The following CNTNAP5 variants were observed in gnomAD, a reference collection of about 807,000 sequenced individuals.
The protein encoded by CNTNAP5 is contactin associated protein family member 5.
In CNTNAP5, 72 loss-of-function variants were observed where a neutral mutation model predicts 150.2. The ratio of observed to expected loss-of-function variants is 0.48; its 90% confidence interval spans 0.40 to 0.58. CNTNAP5 has a LOEUF of 0.58. CNTNAP5 is among the 20% of genes least tolerant of loss of function. The pLI is 0.00. For missense variants in CNTNAP5, 1,636 were observed against 1,626.2 expected (o/e 1.01, Z -0.10); for synonymous variants, 672 against 619.8 (o/e 1.08, Z -1.25).
intron 11 of CNTNAP5, among the ~76,000 whole-genome samples, chr2:124,578,814 T>C (rs545002027): frequency 1.3e-5 from 2 of 152,156 alleles, no homozygotes; most frequent in African/African-American, 2.4e-5. Context: ...AATAAATAAA[T>C]GAGACAACAG....
intron 11 of CNTNAP5, 53 bp downstream of exon 11, chr2:124,563,376 C>A: frequency 9.9e-7 from 1 of 1,009,526 alleles, no homozygotes; most frequent in South Asian, 1.4e-5. Context: ...TCCAGGAACA[C>A]CATTGTTAAC....
intron 3 of CNTNAP5, among the ~76,000 whole-genome samples, chr2:124,380,447 G>A (rs982828040): frequency 3.3e-5 from 5 of 152,160 alleles, no homozygotes; most frequent in Admixed American, 6.5e-5. Flanking sequence ...GGTGAAGAGA[G>A]AGACAGATAA....
intron 3 of CNTNAP5, among the ~76,000 whole-genome samples, chr2:124,329,732 T>G (rs1454690705): frequency 2.0e-5 from 3 of 152,164 alleles, no homozygotes; most frequent in Non-Finnish European, 4.4e-5. Flanking sequence ...TTGGTTTGTA[T>G]TTCAGAAGGT....
intron 17 of CNTNAP5, among the ~76,000 whole-genome samples, chr2:124,781,284 A>G (rs966039598): frequency 2.6e-5 from 4 of 152,258 alleles, no homozygotes; most frequent in East Asian, 3.9e-4. Context: ...TAAGTCCTTC[A>G]TGCTGTGGTA....
chr2:124,496,168 A>G (rs1414912905), intron 7 of CNTNAP5, among the ~76,000 whole-genome samples: 1 of 152,076 alleles, frequency 6.6e-6, no homozygotes, highest in East Asian at 1.9e-4. Context: ...TAAAAAAATG[A>G]AGGAGCCTGT....
intron 3 of CNTNAP5, among the ~76,000 whole-genome samples, chr2:124,318,407 A>T (rs1247672740): frequency 6.6e-6 from 1 of 152,212 alleles, no homozygotes; most frequent in Non-Finnish European, 1.5e-5. Context: ...TGGCTTGAAT[A>T]ATCAGTAATT....
At chr2:124,124,895 C>A (rs530902546) in intron 1 of CNTNAP5, among the ~76,000 whole-genome samples, 2 of 152,156 alleles carry the variant, frequency 1.3e-5, no homozygotes, top group Non-Finnish European at 2.9e-5. Context: ...GCCTGCCCTA[C>A]AAGAGCTTCT....
intron 12 of CNTNAP5, among the ~76,000 whole-genome samples, chr2:124,625,834 A>G (rs1479486541): frequency 6.6e-6 from 1 of 152,198 alleles, no homozygotes; most frequent in Non-Finnish European, 1.5e-5. Flanking sequence ...GTAACAAGAA[A>G]ATAAAGCCAT....
At chr2:124,088,193 C>T (rs1682737332) in intron 1 of CNTNAP5, among the ~76,000 whole-genome samples, 1 of 151,972 alleles carries the variant, frequency 6.6e-6, no homozygotes, top group Non-Finnish European at 1.5e-5. Flanking sequence ...TGATTCTTTC[C>T]TCTATCTCCT....
intron 13 of CNTNAP5, among the ~76,000 whole-genome samples, chr2:124,746,504 A>AT (rs888877275): frequency 1.3e-5 from 2 of 151,976 alleles, no homozygotes; most frequent in Admixed American, 6.6e-5. Flanking sequence ...CAGTGCTTTT[A>AT]TTTTTTTTCC....
At chr2:124,837,010 C>T (rs1410392096) in intron 19 of CNTNAP5, among the ~76,000 whole-genome samples, 1 of 152,056 alleles carries the variant, frequency 6.6e-6, no homozygotes, top group African/African-American at 2.4e-5. Context: ...GGGCAAGAGT[C>T]AGCACCTCTC....
chr2:124,664,666 C>T (rs913649508), intron 13 of CNTNAP5, among the ~76,000 whole-genome samples: 3 of 152,128 alleles, frequency 2.0e-5, no homozygotes, highest in African/African-American at 4.8e-5. Flanking sequence ...ACATGCAATC[C>T]GCAGGGGACA....
At chr2:124,587,581 A>G (rs1318036096) in intron 11 of CNTNAP5, among the ~76,000 whole-genome samples, 1 of 152,062 alleles carries the variant, frequency 6.6e-6, no homozygotes, top group East Asian at 1.9e-4. Context: ...TCTGGCTCAG[A>G]TCTTTATTCT....
chr2:124,643,248 T>A (rs1457228178), intron 12 of CNTNAP5, among the ~76,000 whole-genome samples: 2 of 152,166 alleles, frequency 1.3e-5, no homozygotes, highest in Admixed American at 6.5e-5. Context: ...AGTCAATACA[T>A]GTATGCCTTT....
rs750955062 is a variant in CNTNAP5 at position 124,294,533 on chromosome 2, G to A, written c.381+52140G>A. 2.8e-4 allele frequency among the ~76,000 whole-genome samples: 42 copies of A among 152,152 alleles called. 1 individual carries two copies. Among genetic ancestry groups the A allele is most frequent in the Non-Finnish European group, 4.4e-5 (3 of 68,042 alleles). On this transcript the variant is annotated intron_variant, in intron 3 of 23. Coordinates refer to ENST00000682447, the MANE Select transcript of CNTNAP5 (RefSeq NM_001367498.1). ...AAATGACAAGTGCAAAAGCCCTGGG[G>A]CAGGATCAAGCTTGGCAGTTTGAAG...
In CNTNAP5 at chr2:124,108,707, C is replaced by A. The variant is rs118140370; in HGVS notation, c.82+82975C>A. 2.9e-3 allele frequency among the ~76,000 whole-genome samples: 441 copies of A among 152,258 alleles called. 5 individuals are homozygous for A. In the South Asian group the frequency reaches 0.03, roughly 10 times the overall value. The stretch of plus-strand genomic sequence containing the variant: ...AATATTATTTTCTAACGTTTATTTG[C>A]CACACAGCAAGATAATTTTAGCCAC... On this transcript the variant is annotated intron_variant, in intron 1 of 23. Transcript: ENST00000682447.
intron 1 of CNTNAP5, among the ~76,000 whole-genome samples, chr2:124,084,644 G>GTA (rs1682636087): frequency 6.6e-6 from 1 of 151,882 alleles, no homozygotes; most frequent in African/African-American, 2.4e-5. Context: ...ATATGTGTGT[G>GTA]TATATATACA....
intron 3 of CNTNAP5, among the ~76,000 whole-genome samples, chr2:124,364,977 G>C (rs1323136737): frequency 6.6e-6 from 1 of 152,018 alleles, no homozygotes; most frequent in Admixed American, 6.6e-5. Context: ...AATTCTAAGA[G>C]ACATAAGTTA....
chr2:124,734,460 T>G (rs1446285089), intron 13 of CNTNAP5, among the ~76,000 whole-genome samples: 1 of 152,020 alleles, frequency 6.6e-6, no homozygotes, highest in Non-Finnish European at 1.5e-5. Flanking sequence ...CAGAGTTTGC[T>G]GCAGAAATGA....
Sources: allele counts gnomAD v4.1 joint callset (sites outside exome capture counted in the v4.1 genomes callset), GRCh38; gene constraint gnomAD v4.1.1; transcripts MANE v1.5; gene names NCBI Gene and HGNC (gene_info 2026-07-23, HGNC 2026-07-21).